Variants in EML1 observed in about 807,000 individuals in gnomAD.
The protein encoded by EML1 is EMAP like 1, also known as echinoderm microtubule-associated protein-like 1.
A neutral mutation model predicts 110.4 loss-of-function variants in EML1; 27 were observed. The ratio of observed to expected loss-of-function variants is 0.24; its 90% confidence interval spans 0.18 to 0.34. The LOEUF (loss-of-function observed/expected upper bound fraction) is 0.34, where lower values mean the gene tolerates loss of function less well. EML1 is among the 10% of genes least tolerant of loss of function. The pLI is 1.00. For missense variants in EML1, 741 were observed against 1,030.9 expected, an observed-to-expected ratio of 0.72 and a Z score of 3.85; for synonymous variants, 344 against 385.8, an observed-to-expected ratio of 0.89 and a Z score of 1.27.
intron 1 of EML1, among the ~76,000 whole-genome samples, chr14:99,779,089 CT>C (rs1424027601): frequency 6.6e-6 from 1 of 152,112 alleles, no homozygotes; most frequent in Non-Finnish European, 1.5e-5. Flanking sequence ...GTTTTGGAAA[CT>C]TTTCTTGAAT....
rs1441104212 is a variant in EML1 at position 99,827,157 on chromosome 14, C to T, written c.68-23696C>T. 6.6e-6 allele frequency among the ~76,000 whole-genome samples: 1 copy of T among 152,120 alleles called. No homozygotes were observed. The highest frequency in any genetic ancestry group is 1.5e-5 in the Non-Finnish European group (1 of 68,020). On this transcript the variant is annotated intron_variant, in intron 1 of 21. Coordinates refer to ENST00000262233, the MANE Select transcript of EML1 (RefSeq NM_004434.3). The surrounding 1 kb of genome is among the most constrained non-coding windows in gnomAD (Gnocchi z 4.4). ...GGGAGAAGACAGCCAGTGAGAGAGG[C>T]CTCAGAAGAAACTAACCCTGGGCCC...
chr14:99,923,789 G>C (rs563139396), intron 17 of EML1, among the ~76,000 whole-genome samples: 1 of 152,142 alleles, frequency 6.6e-6, no homozygotes, highest in Admixed American at 6.5e-5. Context: ...ATAAATTTTA[G>C]GATCAGCTTG....
intron 17 of EML1, among the ~76,000 whole-genome samples, chr14:99,926,266 T>C (rs540547988): frequency 1.5e-5 from 2 of 137,642 alleles, no homozygotes; most frequent in Non-Finnish European, 3.2e-5. Context: ...TGCCCTCTTA[T>C]TTTTTGTGTT....
Position 99,895,316 on chromosome 14 carries a change from G to A in EML1, c.677+558G>A, listed in dbSNP as rs371758138. 5.9e-5 allele frequency among the ~76,000 whole-genome samples: 9 copies of A among 152,126 alleles called. No individual in the cohort carries two copies. The East Asian group carries it at 9.7e-4, about 16-fold the overall frequency. Reference sequence around the variant, plus strand: ...GCTCCTGGACTCAAGCAATCTGCTCGTCTCAGCTTCCCAAAGTGCTGGGAT... The same window carrying A: ...GCTCCTGGACTCAAGCAATCTGCTCATCTCAGCTTCCCAAAGTGCTGGGAT... On this transcript the variant is annotated intron_variant, in intron 6 of 21. Coordinates refer to ENST00000262233, the MANE Select transcript of EML1 (RefSeq NM_004434.3).
At chr14:99,748,427 CTT>C (rs762393185) in intron 1 of EML1, among the ~76,000 whole-genome samples, 1 of 146,986 alleles carries the variant, frequency 6.8e-6, no homozygotes. Flanking sequence ...GCTTTGTTAT[CTT>C]TTTTTTTTTG....
At chr14:99,930,281 G>T (rs777364319) in intron 17 of EML1, among the ~76,000 whole-genome samples, 10 of 152,222 alleles carry the variant, frequency 6.6e-5, no homozygotes, top group Non-Finnish European at 1.5e-4. Flanking sequence ...CGCACAACAG[G>T]CAGGCCCAGG....
chr14:99,743,100 C>T (rs1243411061), intron 1 of EML1, among the ~76,000 whole-genome samples: 1 of 152,124 alleles, frequency 6.6e-6, no homozygotes, highest in Non-Finnish European at 1.5e-5. Flanking sequence ...AGGTTCACAC[C>T]GCACTCCCAA....
chr14:99,891,149 T>G, intron 4 of EML1, 50 bp from the exon 5 acceptor site: 2 of 1,613,248 alleles, frequency 1.2e-6, no homozygotes, highest in Non-Finnish European at 1.7e-6. Flanking sequence ...GTGAATGAGA[T>G]GAAACACCCA....
At chr14:99,813,799 A>G (rs955643050) in intron 1 of EML1, among the ~76,000 whole-genome samples, 7 of 152,234 alleles carry the variant, frequency 4.6e-5, no homozygotes, top group African/African-American at 1.7e-4. Flanking sequence ...CTAGTTATCA[A>G]CAATTTCATC....
At chr14:99,765,859 C>A (rs1160218271) in intron 1 of EML1, among the ~76,000 whole-genome samples, 6 of 152,118 alleles carry the variant, frequency 3.9e-5, no homozygotes, top group Admixed American at 3.9e-4. Flanking sequence ...TTGTCTTGGC[C>A]TCCCAAAGTG....
At chr14:99,937,759 G>T in intron 19 of EML1, 58 bp from the exon 20 acceptor site, 1 of 1,519,992 alleles carries the variant, frequency 6.6e-7, no homozygotes, top group South Asian at 1.1e-5. Context: ...GCTCAGCCTT[G>T]CTTAGGGGAG....
intron 17 of EML1, among the ~76,000 whole-genome samples, chr14:99,932,029 A>G (rs1211222003): frequency 6.6e-6 from 1 of 152,064 alleles, no homozygotes; most frequent in Non-Finnish European, 1.5e-5. Flanking sequence ...CTGCATTTCC[A>G]CATCACGCAC....
chr14:99,927,481 G>A (rs978725137), intron 17 of EML1, among the ~76,000 whole-genome samples: 4 of 152,078 alleles, frequency 2.6e-5, no homozygotes, highest in African/African-American at 4.8e-5. Context: ...CACATAATGG[G>A]TTTTTCTCAC....
intron 1 of EML1, among the ~76,000 whole-genome samples, chr14:99,796,070 C>G (rs1368124083): frequency 6.6e-6 from 1 of 152,000 alleles, no homozygotes; most frequent in African/African-American, 2.4e-5. Flanking sequence ...ACCTGTAATC[C>G]TAGCTACTCA....
At position 99,781,706 on chromosome 14, in the gene EML1, G is replaced by T. The variant is rs576729686; in HGVS notation, c.-27+7693G>T. Among the ~76,000 whole-genome samples, 1 of 152,326 alleles carries T rather than the reference G, an allele frequency of 6.6e-6. No homozygotes were observed. Among genetic ancestry groups the T allele is most frequent in the South Asian group, 2.1e-4 (1 of 4,828 alleles). On this transcript the variant is annotated intron_variant, in intron 1 of 22. Coordinates refer to the EML1 transcript ENST00000327921. This position sits in a 1 kb window ranked among gnomAD's most constrained non-coding sequence, Gnocchi z 4.2. The stretch of plus-strand genomic sequence containing the variant: ...CCCAGCCTGTTAGTATGGGGTCCCA[G>T]GTTCACTGCAATGGGGCCAGATGCC...
intron 10 of EML1, 59 bp downstream of exon 10, chr14:99,907,792 G>C: frequency 6.5e-7 from 1 of 1,542,168 alleles, no homozygotes; most frequent in Non-Finnish European, 8.9e-7. Context: ...AGCCGCCCTG[G>C]CATAGTGGTA....
intron 6 of EML1, 152 bp downstream of exon 6, chr14:99,894,910 T>C (rs1566923491): frequency 1.9e-6 from 2 of 1,062,684 alleles, no homozygotes; most frequent in East Asian, 2.8e-5. Context: ...TGTAACAAAA[T>C]TGACTATATG....
chr14:99,922,490 GTGTT>G (rs2060147906), intron 17 of EML1, among the ~76,000 whole-genome samples: 1 of 151,948 alleles, frequency 6.6e-6, no homozygotes, highest in African/African-American at 2.4e-5. Flanking sequence ...ATGCCTTTTT[GTGTT>G]TGTTTTCATT....
In EML1 at chr14:99,883,839, A is replaced by G. The variant is rs368064497; in HGVS notation, c.518+5220A>G. Among the ~76,000 whole-genome samples the G allele has an allele frequency of 5.9e-5, 9 of 152,358 alleles. No homozygotes were observed. The East Asian group carries it at 1.3e-3, about 23-fold the overall frequency. On this transcript the variant is annotated intron_variant, in intron 4 of 21. Coordinates refer to ENST00000262233, the MANE Select transcript of EML1 (RefSeq NM_004434.3). The stretch of plus-strand genomic sequence containing the variant: ...TACTTCAGTTGGACGTTTAAGTACC[A>G]AACAAGTTTCACTAATCCACTCAGA...
Sources: gnomAD v4.1 joint callset for allele counts (sites outside exome capture counted in the v4.1 genomes callset) on GRCh38, gnomAD v4.1.1 for gene constraint, Gnocchi (gnomAD v3.1) non-coding constraint, MANE v1.5 for transcripts, NCBI Gene and HGNC (gene_info 2026-07-23, HGNC 2026-07-21) for gene names.